NXPH1: variants seen among roughly 807,000 people sequenced by gnomAD.
NXPH1 encodes the protein neurexophilin-1.
Under a neutral mutation model 23.7 loss-of-function variants are expected in NXPH1, and 5 were observed. That is an observed-to-expected ratio of 0.21 (90% CI 0.11 to 0.44). The LOEUF is 0.44. NXPH1 is among the 20% of genes least tolerant of loss of function. NXPH1 has a pLI of 0.99. For missense variants in NXPH1, 324 were observed against 321.6 expected, an observed-to-expected ratio of 1.01 and a Z score of -0.06; for synonymous variants, 144 against 122.2, an observed-to-expected ratio of 1.18 and a Z score of -1.18.
chr7:8,744,942 C>A (rs1393179961), intron 2 of NXPH1, among the ~76,000 whole-genome samples: 1 of 152,174 alleles, frequency 6.6e-6, no homozygotes, highest in African/African-American at 2.4e-5. Context: ...GTCTCCCTTC[C>A]TTCAAGGTCT....
At chr7:8,750,672 A>C (rs2115235985) in intron 2 of NXPH1, among the ~76,000 whole-genome samples, 1 of 152,292 alleles carries the variant, frequency 6.6e-6, no homozygotes, top group Non-Finnish European at 1.5e-5. Context: ...TTCTTCCATT[A>C]ACCAGTGGTT....
chr7:8,537,407 C>A (rs559828749), intron 2 of NXPH1, among the ~76,000 whole-genome samples: 41 of 151,910 alleles, frequency 2.7e-4, no homozygotes, highest in Non-Finnish European at 4.1e-4. Flanking sequence ...AGGAAACTTA[C>A]GATCGTAGCA....
At chr7:8,597,430 G>T (rs954702181) in intron 2 of NXPH1, among the ~76,000 whole-genome samples, 4 of 152,078 alleles carry the variant, frequency 2.6e-5, no homozygotes, top group Admixed American at 6.6e-5. Flanking sequence ...GGGAATACAA[G>T]AGTAAAAGCA....
intron 2 of NXPH1, among the ~76,000 whole-genome samples, chr7:8,745,591 T>C (rs148217293): frequency 1.3e-5 from 2 of 152,232 alleles, no homozygotes; most frequent in African/African-American, 2.4e-5. Flanking sequence ...TCTTGCTCTG[T>C]CGCCAGGCTG....
intron 2 of NXPH1, among the ~76,000 whole-genome samples, chr7:8,689,450 A>G (rs1001562784): frequency 6.6e-6 from 1 of 152,198 alleles, no homozygotes; most frequent in Non-Finnish European, 1.5e-5. Flanking sequence ...ACAAGGTAAT[A>G]TGAAGTATCC....
chr7:8,656,505 ATGTT>A (rs932226655), intron 2 of NXPH1, among the ~76,000 whole-genome samples: 10 of 70,884 alleles, frequency 1.4e-4, no homozygotes, highest in East Asian at 1.4e-3. Context: ...TGTAGAGTTA[ATGTT>A]TTTTTTTTTT....
At chr7:8,586,014 C>A in intron 2 of NXPH1, among the ~76,000 whole-genome samples, 1 of 152,088 alleles carries the variant, frequency 6.6e-6, no homozygotes, top group East Asian at 1.9e-4. Context: ...AGACATCGAC[C>A]CTTTTACAAG....
chr7:8,743,472 G>C (rs1465417582), intron 2 of NXPH1, among the ~76,000 whole-genome samples: 9 of 152,178 alleles, frequency 5.9e-5, no homozygotes, highest in Admixed American at 4.6e-4. Flanking sequence ...GTCACGTACA[G>C]CCAGAATAGT....
At chr7:8,615,066 T>C (rs1266285975) in intron 2 of NXPH1, among the ~76,000 whole-genome samples, 1 of 152,066 alleles carries the variant, frequency 6.6e-6, no homozygotes, top group Non-Finnish European at 1.5e-5. Flanking sequence ...TTTTTACTTG[T>C]TGTGCCTCAT....
intron 2 of NXPH1, among the ~76,000 whole-genome samples, chr7:8,582,174 A>G (rs1187681380): frequency 6.6e-6 from 1 of 152,200 alleles, no homozygotes; most frequent in East Asian, 1.9e-4. Context: ...AGGGGAACCC[A>G]GTGGCACTGG....
At chr7:8,694,200 G>A (rs1014140937) in intron 2 of NXPH1, among the ~76,000 whole-genome samples, 3 of 152,160 alleles carry the variant, frequency 2.0e-5, no homozygotes, top group African/African-American at 7.2e-5. Context: ...TGTCATGAAA[G>A]TGCTCATGAT....
At chr7:8,451,472 A>G (rs1483107755) in intron 2 of NXPH1, among the ~76,000 whole-genome samples, 1 of 152,212 alleles carries the variant, frequency 6.6e-6, no homozygotes, top group Admixed American at 6.5e-5. Context: ...GAATATGAAC[A>G]TACCAATGTC....
intron 2 of NXPH1, among the ~76,000 whole-genome samples, chr7:8,546,624 A>G (rs1056140834): frequency 3.3e-5 from 5 of 151,278 alleles, no homozygotes; most frequent in Non-Finnish European, 7.4e-5. Flanking sequence ...CAAACCACTA[A>G]CTTAGGTTGC....
intron 2 of NXPH1, among the ~76,000 whole-genome samples, chr7:8,482,059 T>C (rs1178047355): frequency 1.3e-5 from 2 of 152,170 alleles, no homozygotes; most frequent in Non-Finnish European, 2.9e-5. Flanking sequence ...ATCTGGTCAA[T>C]GTAGGCAAGT....
intron 2 of NXPH1, among the ~76,000 whole-genome samples, chr7:8,743,520 C>CA (rs1310552272): frequency 6.6e-6 from 1 of 152,012 alleles, no homozygotes; most frequent in Non-Finnish European, 1.5e-5. Context: ...TTTATTCCCC[C>CA]AAAATGGTGT....
At chr7:8,526,946 G>A (rs1255264957) in intron 2 of NXPH1, among the ~76,000 whole-genome samples, 6 of 152,104 alleles carry the variant, frequency 3.9e-5, no homozygotes, top group Non-Finnish European at 7.4e-5. Context: ...GGCTATCATA[G>A]CTTTTAATTC....
intron 2 of NXPH1, among the ~76,000 whole-genome samples, chr7:8,486,980 C>G (rs1817168824): frequency 6.6e-6 from 1 of 151,982 alleles, no homozygotes; most frequent in East Asian, 1.9e-4. Flanking sequence ...AGTTTAATCT[C>G]TATTTTCCAT....
chr7:8,462,051 C>T (rs1433183600), intron 2 of NXPH1, among the ~76,000 whole-genome samples: 1 of 106,596 alleles, frequency 9.4e-6, no homozygotes, highest in African/African-American at 5.9e-5. Context: ...ATATCTCTAT[C>T]TCTCTGTCTA....
chr7:8,490,664 A>G (rs952314233), intron 2 of NXPH1, among the ~76,000 whole-genome samples: 3 of 152,036 alleles, frequency 2.0e-5, no homozygotes, highest in South Asian at 4.1e-4. Flanking sequence ...TTACTAGTAT[A>G]AAAATCTGTG....
Sources: allele counts gnomAD v4.1 joint callset (sites outside exome capture counted in the v4.1 genomes callset), GRCh38; gene constraint gnomAD v4.1.1; transcripts MANE v1.5; gene names NCBI Gene and HGNC (gene_info 2026-07-23, HGNC 2026-07-21).